Variants in TFE3 observed in about 807,000 individuals in gnomAD.
TFE3 encodes transcription factor E3.
A neutral mutation model predicts 35.0 loss-of-function variants in TFE3; 5 were observed. That is an observed-to-expected ratio of 0.14 (90% CI 0.07 to 0.30). The LOEUF (loss-of-function observed/expected upper bound fraction) is 0.30, where lower values mean the gene tolerates loss of function less well. Ranked by LOEUF, TFE3 falls within the 10% of genes least tolerant of loss-of-function variation. The pLI, the probability that TFE3 is intolerant of heterozygous loss-of-function variation, is 1.00. For synonymous variants in TFE3, 211 were observed against 215.6 expected (o/e 0.98, Z 0.18); for missense variants, 374 against 496.6 (o/e 0.75, Z 2.35).
In TFE3 at chrX:49,043,179, C is replaced by A; in HGVS notation, c.48G>T (p.Ala16=). Residue 16 remains alanine, a synonymous_variant, in exon 1 of 10, where the codon GCG becomes GCT. Coordinates refer to ENST00000315869, the MANE Select transcript of TFE3 (RefSeq NM_006521.6). ...EPARDGVEAS[A]EGPRAVFVLL... ...GCACGAACACGGCTCGAGGGCCCTC[C>A]GCGCTGGCCTCTACGCCATCCCGAG... is the stretch of plus-strand genomic sequence containing the variant. 8.4e-7 allele frequency: 1 copy of A among 1,185,779 alleles called. No homozygotes were observed. The highest frequency in any genetic ancestry group is 1.8e-5 in the South Asian group (1 of 54,507).
At position 49,043,342 on chromosome X, in the gene TFE3, A is replaced by T; in HGVS notation, c.-116T>A. On this transcript the variant is annotated 5_prime_UTR_variant, in exon 1 of 10. The change abolishes an upstream ATG in the 5' untranslated region. Transcript: ENST00000315869. ...CCACCGCCGCCTCCTCCGCTAAGCC[A>T]TGGAGCTAGCACTGCGCGGGCGGGC... 1.8e-6 allele frequency: 1 copy of T among 563,199 alleles called. No homozygotes were observed. Among genetic ancestry groups the T allele is most frequent in the Admixed American group, 4.2e-5 (1 of 24,095 alleles). 46.4% of individuals were successfully genotyped at this position (563,199 alleles called of 1,213,427 possible). A position where few individuals can be genotyped will look rare whatever the true frequency, so the allele number is the denominator to read the frequency against.
At position 49,030,555 on chromosome X, in the gene TFE3, G is replaced by A. The variant is rs782280641; in HGVS notation, c.1331C>T (p.Thr444Ile). 67 of 1,209,428 alleles carry A rather than the reference G, an allele frequency of 5.5e-5. No individual in the cohort carries two copies. The highest frequency in any genetic ancestry group is 7.3e-5 in the Non-Finnish European group (65 of 894,929). Residue 444 changes from threonine (T) to isoleucine (I), a missense_variant, in exon 10 of 10, where the codon ACT becomes ATT. By Grantham distance (89) the Thr-to-Ile change is moderately conservative. Around this residue, in one of 3 missense-constraint regions of TFE3, gnomAD observed 117 missense variants for 111.9 expected, o/e 1.05. Transcript: ENST00000315869. ...CGTGGCCAAGGAAAGCAGCCCTGGA[G>A]TGGGAGGTACTGGCAGGCCATGGAT... Reference protein sequence around the residue: ...AQIHGLPVPPTPGLLSLATTS... With the variant: ...AQIHGLPVPPIPGLLSLATTS...
Position 49,039,158 on chromosome X carries a change from G to A in TFE3, c.483C>T (p.Gly161=), listed in dbSNP as rs1557075271. Residue 161 remains glycine, a synonymous_variant, in exon 3 of 10, where the codon GGC becomes GGT. Coordinates refer to ENST00000315869, the MANE Select transcript of TFE3 (RefSeq NM_006521.6). ...CAGGGGGTGGACGGCTCAATGTGTG[G>A]CCCCCAGCAGAGACGCCAACCACAG... ...AISVVGVSAG[G]HTLSRPPPAQ... The A allele has an allele frequency of 8.4e-7, 1 of 1,197,104 alleles. No individual in the cohort carries two copies. The highest frequency in any genetic ancestry group is 1.1e-6 in the Non-Finnish European group (1 of 887,046).
intron 5 of TFE3, 70 bp downstream of exon 5, chrX:49,037,940 G>T (rs2064739333): frequency 3.1e-6 from 3 of 974,400 alleles, no homozygotes; most frequent in East Asian, 6.7e-5. Context: ...CACACAGCCA[G>T]ACTGAGTATG....
Position 49,043,112 on chromosome X carries a change from T to C in TFE3, c.115A>G (p.Ser39Gly). The change falls in exon 1 of 10, where the codon AGC becomes GGC. Residue 39 changes from serine to glycine, a missense_variant and splice_region_variant. Transcript: ENST00000315869. ...RRPADSAQLLSLNSLLPESGI... is the reference protein window; with the variant it reads ...RRPADSAQLLGLNSLLPESGI... The stretch of plus-strand genomic sequence containing the variant: ...TCCCAGCCCCAGGCGGCCCCGCACC[T>C]GAGCAGCTGAGCCGAGTCGGCCGGC... The C allele has an allele frequency of 8.5e-7, 1 of 1,175,762 alleles. No homozygotes were observed. Among genetic ancestry groups the C allele is most frequent in the Non-Finnish European group, 1.1e-6 (1 of 880,210 alleles).
chrX:49,043,286 C>G lies in TFE3; in HGVS notation c.-60G>C. 1 of 911,844 alleles carries G rather than the reference C, an allele frequency of 1.1e-6. No individual in the cohort carries two copies. Among genetic ancestry groups the G allele is most frequent in the East Asian group, 3.6e-5 (1 of 27,560 alleles). The allele number at this position is 911,844 out of a possible 1,213,427, so 75.1% of individuals were successfully genotyped here. On this transcript the variant is annotated 5_prime_UTR_variant, in exon 1 of 10. Transcript: ENST00000315869. ...TCGGGCCTCGGCCCGGTCCCCCTAA[C>G]AAAATAAGAGTCCCCCCTCCCCCCA... is the stretch of plus-strand genomic sequence containing the variant.
In TFE3 at chrX:49,030,101, T is replaced by A; in HGVS notation, c.*57A>T. 2 of 1,144,935 alleles carry A rather than the reference T, an allele frequency of 1.7e-6. No individual in the cohort carries two copies. The highest frequency in any genetic ancestry group is 2.4e-6 in the Non-Finnish European group (2 of 849,667). The allele number at this position is 1,144,935 out of a possible 1,213,427, so 94.4% of individuals were successfully genotyped here. On this transcript the variant is annotated 3_prime_UTR_variant, in exon 10 of 10. Coordinates refer to ENST00000315869, the MANE Select transcript of TFE3 (RefSeq NM_006521.6). ...GGGTGGGGGAAAAGGCGGGGCCTCA[T>A]CCTGACTGGTCCTCCTTTCCTGGGT...
intron 4 of TFE3, 24 bp from the exon 5 acceptor site, chrX:49,038,138 A>G: frequency 5.0e-6 from 6 of 1,211,263 alleles, no homozygotes; most frequent in Non-Finnish European, 6.7e-6. Context: ...TAAATATTAT[A>G]CAGGTTTAGA....
Position 49,030,230 on chromosome X carries a change from G to A in TFE3, c.1656C>T (p.Leu552=), listed in dbSNP as rs782152448. ...SPLRAASDPL[L]SSVSPAVSKA... is the part of the protein sequence containing the mutation. ...TGGAGACAGCAGGGGACACTGAAGA[G>A]AGCAGGGGATCGGAGGCAGCCCGCA... Residue 552 remains leucine, a synonymous_variant, in exon 10 of 10, where the codon CTC becomes CTT. Transcript: ENST00000315869. The A allele has an allele frequency of 1.7e-6, 2 of 1,207,845 alleles. No individual in the cohort carries two copies. The highest frequency in any genetic ancestry group is 2.2e-6 in the Non-Finnish European group (2 of 894,143).
chrX:49,041,929 G>T (rs781935512), intron 1 of TFE3, among the ~76,000 whole-genome samples: 1 of 111,223 alleles, frequency 9.0e-6, no homozygotes, highest in South Asian at 3.7e-4. Context: ...CCCTCAGATG[G>T]AGCCCTAAAA....
Position 49,038,230 on chromosome X carries a change from C to T in TFE3, c.747G>A (p.Ala249=), listed in dbSNP as rs781868281. The change falls in exon 4 of 10, where the codon GCG becomes GCA. Residue 249 remains alanine, a synonymous_variant. Transcript: ENST00000315869. The part of the protein sequence containing the change: ...PTGSAPNSPM[A]LLTIGSSSEK... Reference sequence around the variant, plus strand: ...CTGAGCTGGACCCGATGGTGAGCAGCGCCATGGGGCTGTTGGGCGCACTGC... The same window carrying T: ...CTGAGCTGGACCCGATGGTGAGCAGTGCCATGGGGCTGTTGGGCGCACTGC... 7.4e-6 allele frequency: 9 copies of T among 1,209,686 alleles called. 1 individual carries two copies. The highest frequency in any genetic ancestry group is 3.0e-5 in the East Asian group (1 of 33,748).
intron 1 of TFE3, among the ~76,000 whole-genome samples, chrX:49,041,044 C>T (rs1602499935): frequency 9.3e-6 from 1 of 108,014 alleles, no homozygotes. Flanking sequence ...GTGATTCTCA[C>T]GCCTCAGCCT....
At chrX:49,033,371 G>T in intron 8 of TFE3, 94 bp downstream of exon 8, 1 of 827,815 alleles carries the variant, frequency 1.2e-6, no homozygotes, top group Non-Finnish European at 1.8e-6. Flanking sequence ...TGCCTGGGCC[G>T]AGACTGCCTG....
chrX:49,040,247 G>A (rs1007083534), intron 2 of TFE3, among the ~76,000 whole-genome samples: 1 of 111,056 alleles, frequency 9.0e-6, no homozygotes, highest in Non-Finnish European at 1.9e-5. Flanking sequence ...GGGGCAGGCA[G>A]GGGAGGTCTT....
intron 1 of TFE3, 89 bp from the exon 2 acceptor site, chrX:49,040,657 G>A (rs782457379): frequency 1.5e-4 from 93 of 631,234 alleles, no homozygotes; most frequent in Non-Finnish European, 2.1e-4. Flanking sequence ...GAGAGAGAGG[G>A]GGGGAGAACG....
At chrX:49,037,055 G>A (rs143070691) in intron 5 of TFE3, among the ~76,000 whole-genome samples, 1,851 of 112,100 alleles carry the variant, frequency 0.017, 34 homozygotes, top group African/African-American at 0.057. Context: ...TGTAATTCCA[G>A]CACTTTGGGA....
Position 49,043,100 on chromosome X carries a change from C to A in TFE3, c.116+11G>T. 1 of 1,152,961 alleles carries A rather than the reference C, an allele frequency of 8.7e-7. No homozygotes were observed. Among genetic ancestry groups the A allele is most frequent in the Non-Finnish European group, 1.2e-6 (1 of 866,450 alleles). ...CCCAGTCGGCACTCCCAGCCCCAGG[C>A]GGCCCCGCACCTGAGCAGCTGAGCC... On this transcript the variant is annotated intron_variant, in intron 1 of 9. Transcript: ENST00000315869.
At position 49,040,838 on chromosome X, in the gene TFE3, C is replaced by G. The variant is rs1433037674; in HGVS notation, c.117-270G>C. The stretch of plus-strand genomic sequence containing the variant: ...CATCCCAACCCCCACACTGTAACAA[C>G]CTGGGTTTGAGGAAAACAGAATTTA... On this transcript the variant is annotated intron_variant, in intron 1 of 9. Transcript: ENST00000315869. Among the ~76,000 whole-genome samples, 31 of 107,505 alleles carry G rather than the reference C, an allele frequency of 2.9e-4. No individual in the cohort carries two copies. In the Admixed American group the frequency reaches 3.1e-3, roughly 11 times the overall value. 93.4% of individuals were successfully genotyped at this position (107,505 alleles called of 115,157 possible). A position where few individuals can be genotyped will look rare whatever the true frequency, so the allele number is the denominator to read the frequency against.
chrX:49,040,345 C>G (rs1025681125), intron 2 of TFE3, 110 bp downstream of exon 2: 29 of 554,867 alleles, frequency 5.2e-5, no homozygotes, highest in Non-Finnish European at 3.0e-6. Flanking sequence ...CTAGAAAACG[C>G]AGGCTGGTGA....
Sources: allele counts gnomAD v4.1 joint callset (sites outside exome capture counted in the v4.1 genomes callset), GRCh38; gene constraint gnomAD v4.1.1; regional missense constraint gnomAD v4.1.1; transcripts MANE v1.5; gene names NCBI Gene and HGNC (gene_info 2026-07-23, HGNC 2026-07-21).